SGPP2: variants seen among roughly 807,000 people sequenced by gnomAD.
SGPP2 encodes the protein sphingosine-1-phosphate phosphatase 2.
A neutral mutation model predicts 33.9 loss-of-function variants in SGPP2; 30 were observed. That is an observed-to-expected ratio of 0.89 (90% CI 0.66 to 1.20). SGPP2 has a LOEUF of 1.20. Ranked by LOEUF, SGPP2 falls within the 50% of genes most tolerant of loss-of-function variation. The pLI, the probability that SGPP2 is intolerant of heterozygous loss-of-function variation, is 0.00. For synonymous variants in SGPP2, 233 were observed against 225.0 expected, an observed-to-expected ratio of 1.04 and a Z score of -0.32; for missense variants, 458 against 532.1, an observed-to-expected ratio of 0.86 and a Z score of 1.37.
At position 222,484,612 on chromosome 2, in the gene SGPP2, A is replaced by C. The variant is rs927540927; in HGVS notation, c.378+9886A>C. ...TGCCAGCTGTAATGTCTTACCGAGAAAAAACAAACAGTCATTGCCAAGTTA... is the reference window on the plus strand; with the variant it reads ...TGCCAGCTGTAATGTCTTACCGAGACAAAACAAACAGTCATTGCCAAGTTA... On this transcript the variant is annotated intron_variant, in intron 2 of 4. Coordinates refer to ENST00000321276, the MANE Select transcript of SGPP2 (RefSeq NM_152386.4). Among the ~76,000 whole-genome samples the C allele has an allele frequency of 5.3e-5, 8 of 152,186 alleles. No individual in the cohort carries two copies. The East Asian group carries it at 1.5e-3, about 29-fold the overall frequency.
intron 2 of SGPP2, among the ~76,000 whole-genome samples, chr2:222,486,645 T>C (rs191717693): frequency 1.3e-5 from 2 of 152,264 alleles, no homozygotes; most frequent in Non-Finnish European, 2.9e-5. Flanking sequence ...ATAAATATTC[T>C]TGAGCGAAGT....
Position 222,561,996 on chromosome 2 carries a change from T to A in SGPP2, c.*3098T>A, listed in dbSNP as rs1168009472. ...CTCCTTTCAAGACATTTGGAGTTTCTCTCTGGGGAAAGAGAGCCCCCTACT... is the reference window on the plus strand; with the variant it reads ...CTCCTTTCAAGACATTTGGAGTTTCACTCTGGGGAAAGAGAGCCCCCTACT... On this transcript the variant is annotated 3_prime_UTR_variant, in exon 5 of 5. Coordinates refer to ENST00000321276, the MANE Select transcript of SGPP2 (RefSeq NM_152386.4). 2.0e-5 allele frequency among the ~76,000 whole-genome samples: 3 copies of A among 152,174 alleles called. No homozygotes were observed. The highest frequency in any genetic ancestry group is 4.4e-5 in the Non-Finnish European group (3 of 68,038).
At chr2:222,471,762 G>A (rs1697847134) in intron 1 of SGPP2, among the ~76,000 whole-genome samples, 1 of 152,126 alleles carries the variant, frequency 6.6e-6, no homozygotes, top group Non-Finnish European at 1.5e-5. Context: ...CCCTGTAACA[G>A]TGTTGTCTCT....
At chr2:222,509,277 TC>T (rs1698490221) in intron 2 of SGPP2, among the ~76,000 whole-genome samples, 1 of 152,178 alleles carries the variant, frequency 6.6e-6, no homozygotes, top group African/African-American at 2.4e-5. Flanking sequence ...GTCCCAGTTG[TC>T]CTGGTTTGAT....
Position 222,468,711 on chromosome 2 carries a change from G to A in SGPP2, c.220-5857G>A, listed in dbSNP as rs569794522. On this transcript the variant is annotated intron_variant, in intron 1 of 4. Transcript: ENST00000321276. Reference sequence around the variant, plus strand: ...GCAAAGCGCTGTTCAGGTGTTCATTGGCAGGGTTTAGTCAGTAAGTCATAC... The same window carrying A: ...GCAAAGCGCTGTTCAGGTGTTCATTAGCAGGGTTTAGTCAGTAAGTCATAC... Among the ~76,000 whole-genome samples, 3 of 152,262 alleles carry A rather than the reference G, an allele frequency of 2.0e-5. No homozygotes were observed. In the South Asian group the frequency reaches 6.2e-4, roughly 32 times the overall value.
Position 222,477,810 on chromosome 2 carries a change from T to C in SGPP2, c.378+3084T>C, listed in dbSNP as rs952685345. On this transcript the variant is annotated intron_variant, in intron 2 of 4. Transcript: ENST00000321276. The surrounding 1 kb of genome is among the most constrained non-coding windows in gnomAD (Gnocchi z 6.0). The stretch of plus-strand genomic sequence containing the variant: ...TAGGGGACACTCTCGTTGCCATTAT[T>C]GGTGGTTATTTTCTGCTTCGGATTC... Among the ~76,000 whole-genome samples the C allele has an allele frequency of 5.9e-5, 9 of 152,124 alleles. No individual in the cohort carries two copies. Among genetic ancestry groups the C allele is most frequent in the Admixed American group, 2.0e-4 (3 of 15,278 alleles).
intron 4 of SGPP2, among the ~76,000 whole-genome samples, chr2:222,534,545 C>A (rs914806163): frequency 2.6e-5 from 4 of 152,076 alleles, no homozygotes; most frequent in Non-Finnish European, 4.4e-5. Flanking sequence ...GCAGACCATA[C>A]AAAACTGTGT....
At chr2:222,525,057 G>A (rs370178201) in intron 4 of SGPP2, 24 bp downstream of exon 4, 515 of 1,569,844 alleles carry the variant, frequency 3.3e-4, no homozygotes, top group Non-Finnish European at 3.5e-4. Context: ...GTCAGGTCTT[G>A]TGGTGATTGT....
At position 222,429,607 on chromosome 2, in the gene SGPP2, C is replaced by T. The variant is rs76762221; in HGVS notation, c.219+4786C>T. On this transcript the variant is annotated intron_variant, in intron 1 of 4. Coordinates refer to ENST00000321276, the MANE Select transcript of SGPP2 (RefSeq NM_152386.4). ...AATGTTCAGCCCAATTTTTAATGGC[C>T]GCATGTTCCTCCACAGGATGGATAT... Among the ~76,000 whole-genome samples, 191 of 152,214 alleles carry T rather than the reference C, an allele frequency of 1.3e-3. 4 individuals carry two copies. In the East Asian group the frequency reaches 0.026, roughly 20 times the overall value.
intron 2 of SGPP2, 63 bp from the exon 3 acceptor site, chr2:222,521,704 C>T: frequency 6.5e-7 from 1 of 1,533,192 alleles, no homozygotes; most frequent in Non-Finnish European, 8.8e-7. Flanking sequence ...ATATCCATGA[C>T]ATTTGGAAAT....
chr2:222,543,304 C>T (rs1035547812), intron 4 of SGPP2, among the ~76,000 whole-genome samples: 5 of 152,170 alleles, frequency 3.3e-5, no homozygotes, highest in African/African-American at 7.2e-5. Context: ...AAGGGTTACC[C>T]GTTATCCTTT....
Position 222,465,324 on chromosome 2 carries a change from CTTCT to C in SGPP2, c.220-9243_220-9240del, listed in dbSNP as rs943028969. The stretch of plus-strand genomic sequence containing the variant: ...AAGAAGCCCTCGTGCATTTTTGTTC[CTTCT>C]GTTTTCTCCTTCAAGGGACACTGTC... On this transcript the variant is annotated intron_variant, in intron 1 of 4. Transcript: ENST00000321276. This position sits in a 1 kb window ranked among gnomAD's most constrained non-coding sequence, Gnocchi z 4.1. Among the ~76,000 whole-genome samples the C allele has an allele frequency of 6.6e-6, 1 of 152,108 alleles. No individual in the cohort carries two copies. Among genetic ancestry groups the C allele is most frequent in the Non-Finnish European group, 1.5e-5 (1 of 68,018 alleles).
At chr2:222,451,304 A>C (rs1460330729) in intron 1 of SGPP2, among the ~76,000 whole-genome samples, 1 of 152,248 alleles carries the variant, frequency 6.6e-6, no homozygotes, top group Non-Finnish European at 1.5e-5. Flanking sequence ...TAGTTTCTTC[A>C]TGTGACCTAA....
At chr2:222,522,855 A>T (rs76803372) in intron 3 of SGPP2, among the ~76,000 whole-genome samples, 3,746 of 151,896 alleles carry the variant, frequency 0.025, 60 homozygotes, top group South Asian at 0.045. Flanking sequence ...ATTAAAAAAA[A>T]TTTTTTTTCT....
chr2:222,504,857 G>A (rs1698421515), intron 2 of SGPP2: 1 of 152,246 alleles, frequency 6.6e-6, no homozygotes, highest in Non-Finnish European at 1.5e-5. Context: ...AGGTGAGGAG[G>A]CTGGCACTGC....
At chr2:222,429,640 T>A (rs1456776281) in intron 1 of SGPP2, among the ~76,000 whole-genome samples, 2 of 152,230 alleles carry the variant, frequency 1.3e-5, no homozygotes, top group Admixed American at 1.3e-4. Context: ...TATACTGTAA[T>A]TTAGTCAGCT....
intron 1 of SGPP2, among the ~76,000 whole-genome samples, chr2:222,470,627 G>T (rs2106092664): frequency 6.6e-6 from 1 of 152,316 alleles, no homozygotes; most frequent in East Asian, 1.9e-4. Flanking sequence ...CTAGGTCTCA[G>T]GTCGGTCTCT....
At chr2:222,468,217 C>T (rs1040764995) in intron 1 of SGPP2, among the ~76,000 whole-genome samples, 3 of 151,828 alleles carry the variant, frequency 2.0e-5, no homozygotes, top group Admixed American at 6.6e-5. Context: ...GGGCGTGGGG[C>T]GGTTGTGGCA....
chr2:222,459,251 A>T (rs1697622265), intron 1 of SGPP2, among the ~76,000 whole-genome samples: 1 of 143,254 alleles, frequency 7.0e-6, no homozygotes. Context: ...GGCTTAAGTG[A>T]TCCTCCCACC....
Sources: gnomAD v4.1 joint callset for allele counts (sites outside exome capture counted in the v4.1 genomes callset) on GRCh38, gnomAD v4.1.1 for gene constraint, Gnocchi (gnomAD v3.1) non-coding constraint, MANE v1.5 for transcripts, NCBI Gene and HGNC (gene_info 2026-07-23, HGNC 2026-07-21) for gene names.